COL14A1: variants seen among roughly 807,000 people sequenced by gnomAD.
COL14A1 encodes collagen type XIV alpha 1 chain.
In COL14A1, 136 loss-of-function variants were observed where a neutral mutation model predicts 230.3. That is an observed-to-expected ratio of 0.59 (90% CI 0.51 to 0.68). COL14A1 has a LOEUF of 0.68. COL14A1 is among the 30% of genes least tolerant of loss of function. The pLI is 0.00. For missense variants in COL14A1, 1,976 were observed against 2,215.8 expected, an observed-to-expected ratio of 0.89 and a Z score of 2.17; for synonymous variants, 792 against 784.1, an observed-to-expected ratio of 1.01 and a Z score of -0.17.
chr8:120,246,189 C>T (rs755829065), intron 20 of COL14A1, among the ~76,000 whole-genome samples: 6 of 152,146 alleles, frequency 3.9e-5, no homozygotes, highest in Non-Finnish European at 8.8e-5. Context: ...GGTATCATCT[C>T]CTCATTTAAC....
intron 2 of COL14A1, among the ~76,000 whole-genome samples, chr8:120,153,539 A>G (rs1025106416): frequency 1.3e-5 from 2 of 152,218 alleles, no homozygotes; most frequent in African/African-American, 2.4e-5. Context: ...ATAGCCAAAT[A>G]CTTTTCTGCT....
rs1812191778 is a variant in COL14A1 at position 120,372,462 on chromosome 8, T to C, written c.*1231T>C. 6.6e-6 allele frequency among the ~76,000 whole-genome samples: 1 copy of C among 152,186 alleles called. No individual in the cohort carries two copies. The highest frequency in any genetic ancestry group is 6.5e-5 in the Admixed American group (1 of 15,270). Reference sequence around the variant, plus strand: ...GTCTTTTGCTCACAAAGGAAAAATCTAGGTATTTGAGAAAGATTTGAATTC... The same window carrying C: ...GTCTTTTGCTCACAAAGGAAAAATCCAGGTATTTGAGAAAGATTTGAATTC... On this transcript the variant is annotated 3_prime_UTR_variant, in exon 48 of 48. Transcript: ENST00000297848.
intron 12 of COL14A1, among the ~76,000 whole-genome samples, chr8:120,211,942 A>T (rs1056878441): frequency 1.3e-5 from 2 of 152,248 alleles, no homozygotes; most frequent in African/African-American, 2.4e-5. Flanking sequence ...GTAACTTGCA[A>T]TTCAACTGCG....
intron 44 of COL14A1, among the ~76,000 whole-genome samples, chr8:120,343,707 T>A (rs1822396735): frequency 6.6e-6 from 1 of 152,234 alleles, no homozygotes; most frequent in Non-Finnish European, 1.5e-5. Flanking sequence ...CAGTTAAATA[T>A]AACTGTTTAA....
chr8:120,154,729 TA>T (rs1489652991), intron 2 of COL14A1, among the ~76,000 whole-genome samples: 1 of 152,194 alleles, frequency 6.6e-6, no homozygotes, highest in African/African-American at 2.4e-5. Flanking sequence ...TGACATAAAT[TA>T]ATTTTTCAGT....
intron 20 of COL14A1, 71 bp downstream of exon 20, chr8:120,244,079 C>T: frequency 2.0e-6 from 3 of 1,530,070 alleles, no homozygotes; most frequent in South Asian, 1.2e-5. Flanking sequence ...CTGTAATGCA[C>T]CCTGAAAGAT....
At chr8:120,343,998 G>A (rs1822408632) in intron 44 of COL14A1, among the ~76,000 whole-genome samples, 1 of 152,076 alleles carries the variant, frequency 6.6e-6, no homozygotes, top group South Asian at 2.1e-4. Flanking sequence ...ATTATTTAAA[G>A]CATGCCCTAA....
intron 34 of COL14A1, among the ~76,000 whole-genome samples, chr8:120,296,758 A>G (rs1785557029): frequency 6.6e-6 from 1 of 151,962 alleles, no homozygotes; most frequent in Non-Finnish European, 1.5e-5. Context: ...TATCACCAAC[A>G]TACATGAGTG....
intron 4 of COL14A1, among the ~76,000 whole-genome samples, chr8:120,166,768 G>A (rs931156671): frequency 2.1e-4 from 32 of 152,090 alleles, no homozygotes; most frequent in Admixed American, 1.6e-3. Flanking sequence ...ATTGTGTTTC[G>A]TGAATAGTAA....
At chr8:120,204,682 A>G (rs1009450560) in intron 9 of COL14A1, among the ~76,000 whole-genome samples, 2 of 152,178 alleles carry the variant, frequency 1.3e-5, no homozygotes, top group Admixed American at 6.5e-5. Flanking sequence ...CTCTGGGACA[A>G]TGCCCAGTAG....
intron 23 of COL14A1, among the ~76,000 whole-genome samples, chr8:120,258,832 T>G (rs1819241671): frequency 6.6e-6 from 1 of 152,150 alleles, no homozygotes; most frequent in African/African-American, 2.4e-5. Context: ...GTTCTGCAGA[T>G]GCTATGGGAT....
At chr8:120,132,126 G>A (rs1472516098) in intron 1 of COL14A1, among the ~76,000 whole-genome samples, 1 of 151,914 alleles carries the variant, frequency 6.6e-6, no homozygotes, top group Non-Finnish European at 1.5e-5. Context: ...GGGATTACAG[G>A]CATGAGCCAC....
intron 45 of COL14A1, among the ~76,000 whole-genome samples, chr8:120,355,901 A>T (rs1290251340): frequency 6.6e-6 from 1 of 152,206 alleles, no homozygotes; most frequent in African/African-American, 2.4e-5. Context: ...CAAATATTAA[A>T]TGCAGTGTTT....
At chr8:120,367,812 G>T (rs1020160347) in intron 46 of COL14A1, among the ~76,000 whole-genome samples, 5 of 151,876 alleles carry the variant, frequency 3.3e-5, no homozygotes, top group Non-Finnish European at 7.4e-5. Flanking sequence ...AGGCGTGGTG[G>T]CATGTGCTTG....
chr8:120,177,194 A>G (rs1471498125), intron 5 of COL14A1, among the ~76,000 whole-genome samples: 1 of 152,194 alleles, frequency 6.6e-6, no homozygotes, highest in Non-Finnish European at 1.5e-5. Context: ...CAAACACAAA[A>G]TCACATTTGA....
In COL14A1 at chr8:120,138,049, A is replaced by T. The variant is rs574330039; in HGVS notation, c.-37-9757A>T. 1.4e-3 allele frequency among the ~76,000 whole-genome samples: 209 copies of T among 152,126 alleles called. 1 individual carries two copies. Among genetic ancestry groups the T allele is most frequent in the Non-Finnish European group, 2.5e-3 (170 of 68,018 alleles). On this transcript the variant is annotated intron_variant, in intron 1 of 47. Coordinates refer to ENST00000297848, the MANE Select transcript of COL14A1 (RefSeq NM_021110.4). ...TTTTACTGTTACACTTAAAAAATGT[A>T]CATTTTTGCAGTTGTTGGATGTAAT...
rs974863748 is a variant in COL14A1, at chr8:120,334,111, C to T, written c.4785+1376C>T. 2.0e-5 allele frequency among the ~76,000 whole-genome samples: 3 copies of T among 152,170 alleles called. No homozygotes were observed. The East Asian group carries it at 5.8e-4, about 29-fold the overall frequency. On this transcript the variant is annotated intron_variant, in intron 42 of 47. Coordinates refer to ENST00000297848, the MANE Select transcript of COL14A1 (RefSeq NM_021110.4). The stretch of plus-strand genomic sequence containing the variant: ...AAGATGTAACAGAAATGTTGGTTCT[C>T]ATTCAGAAAGTGGCCTCTCTTCGTC...
intron 14 of COL14A1, among the ~76,000 whole-genome samples, chr8:120,217,276 A>G (rs1817783704): frequency 6.6e-6 from 1 of 152,230 alleles, no homozygotes; most frequent in African/African-American, 2.4e-5. Context: ...GTTTTATCTA[A>G]GAAGTACTTT....
At chr8:120,321,906 G>A (rs984494332) in intron 40 of COL14A1, among the ~76,000 whole-genome samples, 3 of 152,064 alleles carry the variant, frequency 2.0e-5, no homozygotes, top group African/African-American at 7.2e-5. Context: ...GTTTTTAAAA[G>A]CTTAATGATT....
Sources: gnomAD v4.1 joint callset for allele counts (sites outside exome capture counted in the v4.1 genomes callset) on GRCh38, gnomAD v4.1.1 for gene constraint, MANE v1.5 for transcripts, NCBI Gene and HGNC (gene_info 2026-07-23, HGNC 2026-07-21) for gene names.